RFX3: variants seen among roughly 807,000 people sequenced by gnomAD.
RFX3 encodes transcription factor RFX3.
Under a neutral mutation model 98.6 loss-of-function variants are expected in RFX3, and 14 were observed. The ratio of observed to expected loss-of-function variants is 0.14; its 90% CI spans 0.09 to 0.22. RFX3 has a LOEUF of 0.22. RFX3 is among the 10% of genes least tolerant of loss of function. The pLI is 1.00. For synonymous variants in RFX3, 383 were observed against 328.4 expected (o/e 1.17, Z -1.80); for missense variants, 639 against 926.9 (o/e 0.69, Z 4.03).
intron 1 of RFX3, among the ~76,000 whole-genome samples, chr9:3,470,339 G>A (rs1442101926): frequency 6.7e-6 from 1 of 149,114 alleles, no homozygotes; most frequent in Non-Finnish European, 1.5e-5. Context: ...TTTTGAGACG[G>A]AGTCTCACTC....
At chr9:3,274,325 A>G (rs952641786) in intron 9 of RFX3, among the ~76,000 whole-genome samples, 1 of 152,234 alleles carries the variant, frequency 6.6e-6, no homozygotes, top group African/African-American at 2.4e-5. Flanking sequence ...AGGACTGCCC[A>G]GGAAATCCAA....
chr9:3,476,581 A>C (rs1405376522), intron 1 of RFX3, among the ~76,000 whole-genome samples: 1 of 152,244 alleles, frequency 6.6e-6, no homozygotes, highest in Non-Finnish European at 1.5e-5. Flanking sequence ...CTGCCTTATA[A>C]GGTAGTGATG....
chr9:3,340,607 A>C (rs965883344), intron 3 of RFX3, among the ~76,000 whole-genome samples: 1 of 152,184 alleles, frequency 6.6e-6, no homozygotes, highest in Non-Finnish European at 1.5e-5. Flanking sequence ...ATGAACAGAC[A>C]CTTCTCGAAA....
intron 15 of RFX3, among the ~76,000 whole-genome samples, chr9:3,246,465 T>C (rs1482650090): frequency 6.6e-6 from 1 of 152,160 alleles, no homozygotes; most frequent in Non-Finnish European, 1.5e-5. Context: ...GCAAAGGCCA[T>C]GCATCAAGAT....
At chr9:3,497,541 G>C (rs914518427) in intron 1 of RFX3, among the ~76,000 whole-genome samples, 1 of 151,894 alleles carries the variant, frequency 6.6e-6, no homozygotes, top group Non-Finnish European at 1.5e-5. Flanking sequence ...AAGTCATGCT[G>C]ATCTCTCGAA....
intron 3 of RFX3, among the ~76,000 whole-genome samples, chr9:3,338,108 A>G (rs1833406667): frequency 6.6e-6 from 1 of 152,238 alleles, no homozygotes; most frequent in African/African-American, 2.4e-5. Flanking sequence ...AAAGGAAAAC[A>G]GTACTTCAGA....
chr9:3,481,212 T>C (rs1435745453), intron 1 of RFX3, among the ~76,000 whole-genome samples: 5 of 152,138 alleles, frequency 3.3e-5, no homozygotes, highest in African/African-American at 1.2e-4. Flanking sequence ...CTGCCCATAG[T>C]TACACAGCCA....
intron 4 of RFX3, among the ~76,000 whole-genome samples, chr9:3,320,768 C>CATATATATAT (rs34990458): frequency 1.2e-4 from 10 of 85,890 alleles, no homozygotes; most frequent in East Asian, 4.3e-4. Context: ...TGCTACATAG[C>CATATATATAT]ATATATATAT....
chr9:3,298,298 A>C (rs1182568295), intron 5 of RFX3, among the ~76,000 whole-genome samples: 1 of 151,790 alleles, frequency 6.6e-6, no homozygotes, highest in Non-Finnish European at 1.5e-5. Flanking sequence ...TACATTCTTT[A>C]CTCAGATGGT....
At chr9:3,292,761 T>C (rs1331085804) in intron 6 of RFX3, among the ~76,000 whole-genome samples, 3 of 152,166 alleles carry the variant, frequency 2.0e-5, no homozygotes, top group African/African-American at 7.2e-5. Context: ...TGTGTGTGTA[T>C]GTGTTTGTGT....
intron 1 of RFX3, among the ~76,000 whole-genome samples, chr9:3,510,167 T>C (rs1258993512): frequency 6.6e-6 from 1 of 151,856 alleles, no homozygotes; most frequent in Non-Finnish European, 1.5e-5. Context: ...AAACGGAAAG[T>C]GGAATATGGC....
rs200906332 is a variant in RFX3, at chr9:3,456,832, ATCTG to A, written c.-8-61240_-8-61237del. On this transcript the variant is annotated intron_variant, in intron 1 of 16. Transcript: ENST00000617270. Reference sequence around the variant, plus strand: ...AGGACTACTCAAGTCCTCACAAGTCATCTGTCTAATCATCAGTTAAAGAATTGTC... The same window carrying A: ...AGGACTACTCAAGTCCTCACAAGTCATCTAATCATCAGTTAAAGAATTGTC... Among the ~76,000 whole-genome samples the A allele has an allele frequency of 9.1e-3, 1,381 of 152,290 alleles. 23 individuals are homozygous for A. The highest frequency in any genetic ancestry group is 0.031 in the African/African-American group (1,301 of 41,542).
At chr9:3,239,516 C>T (rs1335769614) in intron 15 of RFX3, among the ~76,000 whole-genome samples, 1 of 152,196 alleles carries the variant, frequency 6.6e-6, no homozygotes, top group African/African-American at 2.4e-5. Flanking sequence ...TCTAACTGTT[C>T]CGGCTTTTCT....
intron 1 of RFX3, among the ~76,000 whole-genome samples, chr9:3,419,787 C>T (rs1843288760): frequency 1.3e-5 from 2 of 152,142 alleles, no homozygotes; most frequent in African/African-American, 2.4e-5. Flanking sequence ...TATATTTGTA[C>T]ATATGCATGG....
chr9:3,394,323 C>T (rs955006624), intron 2 of RFX3, among the ~76,000 whole-genome samples: 41 of 151,980 alleles, frequency 2.7e-4, no homozygotes, highest in Non-Finnish European at 4.3e-4. Flanking sequence ...ATTAGCCAGG[C>T]GTGGTGGCAG....
chr9:3,361,222 G>A (rs2131381344), intron 2 of RFX3, among the ~76,000 whole-genome samples: 1 of 152,278 alleles, frequency 6.6e-6, no homozygotes, highest in East Asian at 1.9e-4. Context: ...TAAAAGGACA[G>A]TGGAGAAGGA....
At chr9:3,477,733 T>C in intron 1 of RFX3, among the ~76,000 whole-genome samples, 1 of 152,306 alleles carries the variant, frequency 6.6e-6, no homozygotes. Flanking sequence ...CATTTTTTTT[T>C]AAATATTCTT....
At chr9:3,505,388 T>TAA (rs370351257) in intron 1 of RFX3, among the ~76,000 whole-genome samples, 91 of 854 alleles carry the variant, frequency 0.11, 11 homozygotes, top group Middle Eastern at 0.5. Context: ...TATATTTATA[T>TAA]AATATAAAAT....
intron 10 of RFX3, 59 bp downstream of exon 10, chr9:3,270,944 T>C (rs1392058833): frequency 6.2e-7 from 1 of 1,611,276 alleles, no homozygotes; most frequent in Admixed American, 1.7e-5. Context: ...ATCTCTAATT[T>C]ATTAGTTGTG....
Sources: gnomAD v4.1 joint callset for allele counts (sites outside exome capture counted in the v4.1 genomes callset) on GRCh38, gnomAD v4.1.1 for gene constraint, MANE v1.5 for transcripts, NCBI Gene and HGNC (gene_info 2026-07-23, HGNC 2026-07-21) for gene names.